Variants in GPC5 observed in about 807,000 individuals in gnomAD.
GPC5 encodes glypican 5.
Under a neutral mutation model 53.9 loss-of-function variants are expected in GPC5, and 47 were observed. The observed-to-expected ratio is 0.87, with a 90% CI of 0.69 to 1.11. The LOEUF is 1.11. Among genes scored for constraint, GPC5 ranks in the 50% most tolerant of loss-of-function variants. GPC5 has a pLI of 0.00. For missense variants in GPC5, 748 were observed against 713.1 expected (o/e 1.05, Z -0.56); for synonymous variants, 286 against 263.3 (o/e 1.09, Z -0.84).
chr13:92,067,945 T>G (rs1248925102), intron 6 of GPC5, among the ~76,000 whole-genome samples: 1 of 151,996 alleles, frequency 6.6e-6, no homozygotes, highest in East Asian at 1.9e-4. Context: ...CATGTCTGTT[T>G]TGATTGCAAC....
At chr13:91,663,639 T>C (rs2035038194) in intron 2 of GPC5, among the ~76,000 whole-genome samples, 1 of 152,016 alleles carries the variant, frequency 6.6e-6, no homozygotes, top group Non-Finnish European at 1.5e-5. Flanking sequence ...AAACATTTTT[T>C]TTTTTGTAAA....
chr13:91,752,874 G>A (rs1416276065), intron 4 of GPC5, among the ~76,000 whole-genome samples: 1 of 152,162 alleles, frequency 6.6e-6, no homozygotes, highest in Non-Finnish European at 1.5e-5. Context: ...CTTGAGCCCT[G>A]CCCTGGAACT....
At chr13:91,944,966 G>A (rs930810904) in intron 6 of GPC5, among the ~76,000 whole-genome samples, 2 of 152,126 alleles carry the variant, frequency 1.3e-5, no homozygotes, top group Admixed American at 1.3e-4. Flanking sequence ...TTAGTTGACT[G>A]TTTTTGATTA....
chr13:91,432,213 G>GCTGC (rs1388666612), intron 1 of GPC5, among the ~76,000 whole-genome samples: 56 of 125,470 alleles, frequency 4.5e-4, no homozygotes, highest in African/African-American at 2.1e-3. Context: ...CTGTGTGTGT[G>GCTGC]TGTGTGTGTG....
At chr13:92,766,417 T>C (rs1875408162) in intron 7 of GPC5, among the ~76,000 whole-genome samples, 1 of 152,062 alleles carries the variant, frequency 6.6e-6, no homozygotes, top group Non-Finnish European at 1.5e-5. Flanking sequence ...CAAATAGTAA[T>C]AATGGTATGA....
intron 7 of GPC5, among the ~76,000 whole-genome samples, chr13:92,633,706 T>G (rs1363136333): frequency 6.6e-6 from 1 of 152,116 alleles, no homozygotes; most frequent in East Asian, 1.9e-4. Context: ...GTTGCTTTTT[T>G]CTTTTTAAAG....
chr13:92,116,509 A>G, intron 6 of GPC5, among the ~76,000 whole-genome samples: 1 of 152,234 alleles, frequency 6.6e-6, no homozygotes, highest in East Asian at 1.9e-4. Context: ...GTTTATTAAT[A>G]AAAGCTGCTG....
At chr13:91,677,685 AT>A (rs993715483) in intron 2 of GPC5, among the ~76,000 whole-genome samples, 9 of 152,184 alleles carry the variant, frequency 5.9e-5, no homozygotes, top group Non-Finnish European at 7.4e-5. Context: ...TAAAGACACC[AT>A]TTTTTGAATT....
chr13:92,344,268 A>G (rs2043391329), intron 7 of GPC5, among the ~76,000 whole-genome samples: 1 of 152,072 alleles, frequency 6.6e-6, no homozygotes, highest in Admixed American at 6.6e-5. Flanking sequence ...CCTTTATAAA[A>G]CCATCAGCTC....
At chr13:91,722,118 A>G (rs383194) in intron 3 of GPC5, among the ~76,000 whole-genome samples, 99,370 of 152,000 alleles carry the variant, frequency 0.65, 33,160 homozygotes, top group Non-Finnish European at 0.72. Flanking sequence ...AACTTCTTAA[A>G]CAAAGGCATC....
chr13:92,471,211 T>C (rs1178361841), intron 7 of GPC5, among the ~76,000 whole-genome samples: 2 of 152,166 alleles, frequency 1.3e-5, no homozygotes, highest in African/African-American at 4.8e-5. Flanking sequence ...CTAAACTCAA[T>C]GATTAGTTTG....
intron 7 of GPC5, among the ~76,000 whole-genome samples, chr13:92,263,574 A>G (rs1438431969): frequency 3.9e-5 from 6 of 152,106 alleles, no homozygotes; most frequent in Admixed American, 3.9e-4. Flanking sequence ...AGTATAGTAT[A>G]ATATATAGTG....
At chr13:91,910,264 A>G (rs1310605467) in intron 6 of GPC5, among the ~76,000 whole-genome samples, 1 of 152,178 alleles carries the variant, frequency 6.6e-6, no homozygotes, top group Non-Finnish European at 1.5e-5. Flanking sequence ...AGGGATGGCT[A>G]TTGTACTGTC....
chr13:92,461,809 C>T (rs1221144734), intron 7 of GPC5, among the ~76,000 whole-genome samples: 1 of 152,214 alleles, frequency 6.6e-6, no homozygotes, highest in East Asian at 1.9e-4. Flanking sequence ...AACTTCTCAG[C>T]CTCCAGAACT....
chr13:92,012,377 A>G (rs2040669296), intron 6 of GPC5, among the ~76,000 whole-genome samples: 1 of 152,184 alleles, frequency 6.6e-6, no homozygotes, highest in African/African-American at 2.4e-5. Context: ...AAACATTTTT[A>G]TCTCCTCTTG....
chr13:91,474,254 A>G (rs1481648911), intron 2 of GPC5, among the ~76,000 whole-genome samples: 1 of 152,158 alleles, frequency 6.6e-6, no homozygotes, highest in Non-Finnish European at 1.5e-5. Flanking sequence ...TATATTATAC[A>G]TATTGTTTAT....
intron 7 of GPC5, among the ~76,000 whole-genome samples, chr13:92,172,939 A>T (rs1187274470): frequency 7.2e-6 from 1 of 139,040 alleles, no homozygotes; most frequent in Non-Finnish European, 1.6e-5. Context: ...AAATTTAGGC[A>T]ATTATTTTAA....
intron 7 of GPC5, among the ~76,000 whole-genome samples, chr13:92,767,809 C>T (rs1336578214): frequency 6.6e-6 from 1 of 152,188 alleles, no homozygotes; most frequent in Non-Finnish European, 1.5e-5. Context: ...AACTACCCAT[C>T]TGTGTCACAA....
At chr13:92,500,936 G>A (rs780553075) in intron 7 of GPC5, among the ~76,000 whole-genome samples, 1 of 152,088 alleles carries the variant, frequency 6.6e-6, no homozygotes, top group African/African-American at 2.4e-5. Flanking sequence ...GAGAGCTAAG[G>A]AAACCTAGTC....
Sources: allele counts gnomAD v4.1 joint callset (sites outside exome capture counted in the v4.1 genomes callset), GRCh38; gene constraint gnomAD v4.1.1; transcripts MANE v1.5; gene names NCBI Gene and HGNC (gene_info 2026-07-23, HGNC 2026-07-21).